IQCB1: variants seen among roughly 807,000 people sequenced by gnomAD.
IQCB1 encodes IQ motif containing B1, also known as IQ calmodulin-binding motif-containing protein 1.
IQCB1 carries 56 observed loss-of-function variants against 84.4 expected under a neutral mutation model. The observed-to-expected ratio is 0.66, with a 90% CI of 0.54 to 0.83. The LOEUF is 0.83. Ranked by LOEUF, IQCB1 falls within the 40% of genes least tolerant of loss-of-function variation. IQCB1 has a pLI of 0.00. For missense variants in IQCB1, 629 were observed against 682.1 expected (o/e 0.92, Z 0.87); for synonymous variants, 210 against 234.8 (o/e 0.89, Z 0.96).
At chr3:121,774,270 A>G (rs997057690) in intron 13 of IQCB1, among the ~76,000 whole-genome samples, 1 of 152,232 alleles carries the variant, frequency 6.6e-6, no homozygotes, top group African/African-American at 2.4e-5. Context: ...CAATGACTAC[A>G]ACAAAAATAA....
chr3:121,779,307 G>A (rs1358909212), intron 13 of IQCB1, among the ~76,000 whole-genome samples: 3 of 151,892 alleles, frequency 2.0e-5, no homozygotes, highest in African/African-American at 7.3e-5. Context: ...GCTCAGTAAT[G>A]GTCTTTTCAA....
In IQCB1 at chr3:121,826,101, A is replaced by T. The variant is rs1950457473; in HGVS notation, c.343T>A (p.Phe115Ile). The stretch of plus-strand genomic sequence containing the variant: ...TGTAATTGTCTCCCCAAAACTAGAA[A>T]ATTTTCTGCAGCTGATGGAAGTAAT... ...NELLPSAAEN[F>I]LVLGRQLQTC... Residue 115 changes from phenylalanine (F) to isoleucine (I), a missense_variant, in exon 5 of 15, where the codon TTT becomes ATT. Phe to Ile is a conservative substitution (Grantham distance 21). Coordinates refer to ENST00000310864, the MANE Select transcript of IQCB1 (RefSeq NM_001023570.4). 1 of 1,613,268 alleles carries T rather than the reference A, an allele frequency of 6.2e-7. No individual in the cohort carries two copies. The highest frequency in any genetic ancestry group is 1.3e-5 in the African/African-American group (1 of 74,922).
chr3:121,812,485 A>G (rs1949867763), intron 5 of IQCB1, among the ~76,000 whole-genome samples: 1 of 152,232 alleles, frequency 6.6e-6, no homozygotes, highest in African/African-American at 2.4e-5. Context: ...GAGCTGAAGG[A>G]GCATGTTCTA....
At chr3:121,824,901 T>C (rs1182964101) in intron 5 of IQCB1, among the ~76,000 whole-genome samples, 3 of 152,160 alleles carry the variant, frequency 2.0e-5, no homozygotes, top group Non-Finnish European at 4.4e-5. Context: ...GAACATTACA[T>C]ACAACTGCAG....
intron 5 of IQCB1, among the ~76,000 whole-genome samples, chr3:121,816,970 T>C (rs997619447): frequency 3.3e-5 from 5 of 152,214 alleles, no homozygotes; most frequent in Admixed American, 2.0e-4. Flanking sequence ...GTATGTTTAC[T>C]GCAGCACTAT....
chr3:121,829,284 T>G (rs763470374), intron 2 of IQCB1, among the ~76,000 whole-genome samples: 5 of 152,214 alleles, frequency 3.3e-5, no homozygotes, highest in Non-Finnish European at 7.3e-5. Context: ...AATTCTAGGA[T>G]AGGAATTAAC....
Position 121,807,211 on chromosome 3 carries a change from C to T in IQCB1, c.587+133G>A, listed in dbSNP as rs781012365. 34 of 625,930 alleles carry T rather than the reference C, an allele frequency of 5.4e-5. 1 individual carries two copies. Among genetic ancestry groups the T allele is most frequent in the South Asian group, 1.0e-4 (6 of 59,606 alleles). The allele number at this position is 625,930 out of a possible 1,614,324, so 38.8% of individuals were successfully genotyped here. On this transcript the variant is annotated intron_variant, in intron 7 of 14. Coordinates refer to ENST00000310864, the MANE Select transcript of IQCB1 (RefSeq NM_001023570.4). ...CATATACTTGTATATACATTATATA[C>T]GAGTATATAGTGCATATACTTGTAT... is the stretch of plus-strand genomic sequence containing the variant.
At chr3:121,809,037 C>G in intron 5 of IQCB1, 28 bp from the exon 6 acceptor site, 1 of 1,312,306 alleles carries the variant, frequency 7.6e-7, no homozygotes, top group Non-Finnish European at 1.1e-6. Flanking sequence ...GCCCAGTTTA[C>G]TTTTCTATAG....
intron 14 of IQCB1, among the ~76,000 whole-genome samples, chr3:121,771,754 C>T (rs1350535631): frequency 6.6e-6 from 1 of 152,190 alleles, no homozygotes; most frequent in African/African-American, 2.4e-5. Flanking sequence ...ATAGAAAACA[C>T]TGGTCCTTTC....
At chr3:121,832,482 G>A (rs1950680350) in intron 2 of IQCB1, among the ~76,000 whole-genome samples, 1 of 151,834 alleles carries the variant, frequency 6.6e-6, no homozygotes, top group Non-Finnish European at 1.5e-5. Context: ...GTGTGCCAAC[G>A]TGCCCAGCTA....
At chr3:121,820,140 G>C (rs182622190) in intron 5 of IQCB1, among the ~76,000 whole-genome samples, 4 of 152,002 alleles carry the variant, frequency 2.6e-5, no homozygotes, top group African/African-American at 9.6e-5. Flanking sequence ...AGTTACAAAG[G>C]TACATTTCAA....
intron 12 of IQCB1, among the ~76,000 whole-genome samples, chr3:121,787,106 C>T (rs1020141717): frequency 1.3e-5 from 2 of 151,836 alleles, no homozygotes; most frequent in African/African-American, 4.8e-5. Context: ...TCTGAGATCC[C>T]CAGAAGAGCC....
chr3:121,824,559 G>C (rs959415044), intron 5 of IQCB1, among the ~76,000 whole-genome samples: 1 of 150,418 alleles, frequency 6.6e-6, no homozygotes, highest in African/African-American at 2.4e-5. Flanking sequence ...TCAAGATAAG[G>C]TCTATTATCA....
chr3:121,807,254 CAT>C (rs1949634179), intron 7 of IQCB1, 88 bp downstream of exon 7: 1 of 578,712 alleles, frequency 1.7e-6, no homozygotes. Flanking sequence ...ATATACAAAT[CAT>C]ATGCGGTCAA....
chr3:121,789,147 G>A (rs778602927), intron 11 of IQCB1, among the ~76,000 whole-genome samples: 7 of 152,144 alleles, frequency 4.6e-5, no homozygotes, highest in Admixed American at 6.5e-5. Flanking sequence ...GGATATCCAG[G>A]TAAAGCTGGA....
In IQCB1 at chr3:121,781,833, T is replaced by G. The variant is rs377629008; in HGVS notation, c.1320A>C (p.Leu440=). The G allele has an allele frequency of 6.2e-7, 1 of 1,613,794 alleles. No individual in the cohort carries two copies. The highest frequency in any genetic ancestry group is 1.3e-5 in the African/African-American group (1 of 74,902). The change falls in exon 13 of 15, where the codon CTA becomes CTC. Residue 440 remains leucine (L), a synonymous_variant. Transcript: ENST00000310864. ...FLAKCRKKKK[L]FAPWRGLQEL... ...CTTGGAGTCCTCGCCAAGGAGCAAATAGTTTCTTTTTCTTACGGCACTTCG... is the reference window on the plus strand; with the variant it reads ...CTTGGAGTCCTCGCCAAGGAGCAAAGAGTTTCTTTTTCTTACGGCACTTCG...
chr3:121,769,980 A>C lies in IQCB1; in HGVS notation c.*365T>G. ...CAGATAACAAATGTGAAAAGTTGAAATAATCCTGACAAATTTTTCAAATCA... is the reference window on the plus strand; with the variant it reads ...CAGATAACAAATGTGAAAAGTTGAACTAATCCTGACAAATTTTTCAAATCA... On this transcript the variant is annotated 3_prime_UTR_variant, in exon 15 of 15. Coordinates refer to ENST00000310864, the MANE Select transcript of IQCB1 (RefSeq NM_001023570.4). The C allele has an allele frequency of 5.2e-6, 1 of 191,836 alleles. No homozygotes were observed. The highest frequency in any genetic ancestry group is 5.3e-5 in the Admixed American group (1 of 18,728). 11.9% of individuals were successfully genotyped at this position (191,836 alleles called of 1,614,324 possible).
At chr3:121,811,618 G>A (rs1039263989) in intron 5 of IQCB1, among the ~76,000 whole-genome samples, 1 of 152,120 alleles carries the variant, frequency 6.6e-6, no homozygotes, top group Admixed American at 6.5e-5. Context: ...GGCTTGAGTC[G>A]GCAGTTTTCC....
At chr3:121,788,907 A>G (rs1559764047) in intron 11 of IQCB1, among the ~76,000 whole-genome samples, 1 of 152,130 alleles carries the variant, frequency 6.6e-6, no homozygotes, top group Non-Finnish European at 1.5e-5. Context: ...TATATATGTG[A>G]CAGAATAAGG....
Sources: allele counts gnomAD v4.1 joint callset (sites outside exome capture counted in the v4.1 genomes callset), GRCh38; gene constraint gnomAD v4.1.1; transcripts MANE v1.5; gene names NCBI Gene and HGNC (gene_info 2026-07-23, HGNC 2026-07-21).